Variants in ZBTB44 observed in about 807,000 individuals in gnomAD.
ZBTB44 encodes zinc finger and BTB domain-containing protein 44.
In ZBTB44, 15 loss-of-function variants were observed where a neutral mutation model predicts 54.0. The observed-to-expected ratio is 0.28, with a 90% CI of 0.19 to 0.43. The LOEUF (loss-of-function observed/expected upper bound fraction) is 0.43, where lower values mean the gene tolerates loss of function less well. Ranked by LOEUF, ZBTB44 falls within the 20% of genes least tolerant of loss-of-function variation. The pLI is 1.00. For synonymous variants in ZBTB44, 230 were observed against 250.1 expected (o/e 0.92, Z 0.76); for missense variants, 487 against 707.1 (o/e 0.69, Z 3.53).
At chr11:130,244,399 G>A (rs1287122844) in intron 2 of ZBTB44, among the ~76,000 whole-genome samples, 3 of 152,104 alleles carry the variant, frequency 2.0e-5, no homozygotes, top group African/African-American at 7.2e-5. Context: ...CGGGTGCAGT[G>A]GCTCATGCCT....
chr11:130,303,911 A>G (rs969954890), intron 1 of ZBTB44, among the ~76,000 whole-genome samples: 3 of 152,328 alleles, frequency 2.0e-5, no homozygotes, highest in African/African-American at 7.2e-5. Flanking sequence ...CAGAGTTATC[A>G]ACGTGAAACA....
intron 2 of ZBTB44, among the ~76,000 whole-genome samples, chr11:130,252,496 C>G (rs1938097726): frequency 6.6e-6 from 1 of 152,174 alleles, no homozygotes; most frequent in South Asian, 2.1e-4. Context: ...CCGCATGGCA[C>G]TTATTCTAAA....
At chr11:130,301,151 G>A (rs186583309) in intron 1 of ZBTB44, among the ~76,000 whole-genome samples, 64 of 152,290 alleles carry the variant, frequency 4.2e-4, no homozygotes, top group African/African-American at 1.5e-3. Context: ...TGAGTGAAAG[G>A]ATTAGCCTTA....
chr11:130,277,069 T>C (rs1940157591), intron 1 of ZBTB44, among the ~76,000 whole-genome samples: 1 of 152,222 alleles, frequency 6.6e-6, no homozygotes, highest in Non-Finnish European at 1.5e-5. Context: ...TACAGCTGGA[T>C]AATGCTGTTT....
At chr11:130,237,962 T>C (rs1300926346) in intron 4 of ZBTB44, among the ~76,000 whole-genome samples, 1 of 152,190 alleles carries the variant, frequency 6.6e-6, no homozygotes, top group Non-Finnish European at 1.5e-5. Context: ...AAATACAAAC[T>C]ACAAAGCTGA....
chr11:130,274,902 C>T (rs1003401555), intron 1 of ZBTB44, among the ~76,000 whole-genome samples: 14 of 152,268 alleles, frequency 9.2e-5, no homozygotes, highest in Middle Eastern at 3.4e-3. Context: ...GTTCCCTCCC[C>T]TCCCGTTTTT....
At position 130,314,436 on chromosome 11, in the gene ZBTB44, G is replaced by GGGCGGCGA. The variant is rs1339588439; in HGVS notation, c.-126_-119dup. The GGGCGGCGA allele has an allele frequency of 6.5e-6, 1 of 154,202 alleles. No homozygotes were observed. Among genetic ancestry groups the GGGCGGCGA allele is most frequent in the African/African-American group, 2.4e-5 (1 of 41,150 alleles). 9.6% of individuals were successfully genotyped at this position (154,202 alleles called of 1,614,324 possible). ...TCCTCCTCCTTCTCCCGCCAGGCTG[G>GGGCGGCGA]GGCGGCGAGGCGGCGGCGGCGGCGG... On this transcript the variant is annotated 5_prime_UTR_variant, in exon 1 of 8. Coordinates refer to ENST00000357899, the MANE Select transcript of ZBTB44 (RefSeq NM_001301098.2).
At chr11:130,288,340 C>T (rs1009873577) in intron 1 of ZBTB44, among the ~76,000 whole-genome samples, 6 of 151,776 alleles carry the variant, frequency 4.0e-5, no homozygotes, top group African/African-American at 1.5e-4. Flanking sequence ...TGCCACTGTT[C>T]TCCAGCCTGG....
rs1004293725 is a variant in ZBTB44, at chr11:130,276,431, C to CTT, written c.-56-14504_-56-14503dup. On this transcript the variant is annotated intron_variant, in intron 1 of 7. Coordinates refer to ENST00000357899, the MANE Select transcript of ZBTB44 (RefSeq NM_001301098.2). ...TGACCTTTTAATTTTCTATACGTTT[C>CTT]TTTTTTTTTTCTTTTTTTTTTGAGA... Among the ~76,000 whole-genome samples, 68 of 142,782 alleles carry CTT rather than the reference C, an allele frequency of 4.8e-4. 1 individual carries two copies. Among genetic ancestry groups the CTT allele is most frequent in the African/African-American group, 1.5e-3 (55 of 37,490 alleles). The allele number at this position is 142,782 out of a possible 152,430, so 93.7% of individuals were successfully genotyped here. A position where few individuals can be genotyped will look rare whatever the true frequency, so the allele number is the denominator to read the frequency against.
intron 2 of ZBTB44, among the ~76,000 whole-genome samples, chr11:130,255,922 C>T (rs1425146212): frequency 1.1e-5 from 1 of 90,550 alleles, no homozygotes; most frequent in Non-Finnish European, 2.3e-5. Flanking sequence ...AAAAAAAAAA[C>T]ACCCCTTCAT....
At chr11:130,306,565 T>C (rs575845632) in intron 1 of ZBTB44, among the ~76,000 whole-genome samples, 1 of 151,270 alleles carries the variant, frequency 6.6e-6, no homozygotes, top group East Asian at 1.9e-4. Context: ...ACTGGGTATC[T>C]ACCCAAAAGA....
intron 1 of ZBTB44, among the ~76,000 whole-genome samples, chr11:130,288,414 T>A (rs1172461035): frequency 4.0e-5 from 6 of 151,482 alleles, no homozygotes; most frequent in African/African-American, 1.5e-4. Flanking sequence ...AATAAAAAAA[T>A]AACATTTCAA....
At chr11:130,265,135 T>C (rs916347372) in intron 1 of ZBTB44, among the ~76,000 whole-genome samples, 9 of 152,162 alleles carry the variant, frequency 5.9e-5, no homozygotes, top group Non-Finnish European at 1.3e-4. Context: ...GTCTCCATAT[T>C]CCATGAAAAA....
At chr11:130,296,051 C>T in intron 1 of ZBTB44, 1 of 1,583,692 alleles carries the variant, frequency 6.3e-7, no homozygotes, top group Non-Finnish European at 8.7e-7. Context: ...ATTGATGAAG[C>T]TGATCGTATC....
intron 1 of ZBTB44, among the ~76,000 whole-genome samples, chr11:130,294,890 T>C (rs148578304): frequency 7.2e-5 from 11 of 152,342 alleles, no homozygotes; most frequent in African/African-American, 2.6e-4. Context: ...AAGTCAGTTT[T>C]AGTCAACTAG....
At chr11:130,289,829 G>A (rs1046808355) in intron 1 of ZBTB44, among the ~76,000 whole-genome samples, 2 of 152,118 alleles carry the variant, frequency 1.3e-5, no homozygotes, top group African/African-American at 4.8e-5. Flanking sequence ...CCTGATTCGA[G>A]GTTTTCTGAT....
At chr11:130,242,072 T>C (rs1428485500) in intron 2 of ZBTB44, among the ~76,000 whole-genome samples, 2 of 152,100 alleles carry the variant, frequency 1.3e-5, no homozygotes, top group Non-Finnish European at 2.9e-5. Flanking sequence ...ATTCTGGCTA[T>C]TTTTTGACTT....
chr11:130,266,733 A>C (rs1415807836), intron 1 of ZBTB44, among the ~76,000 whole-genome samples: 1 of 152,234 alleles, frequency 6.6e-6, no homozygotes, highest in African/African-American at 2.4e-5. Flanking sequence ...CAAGAGAACT[A>C]GAATTCAAAA....
At chr11:130,246,759 A>T (rs1366455337) in intron 2 of ZBTB44, among the ~76,000 whole-genome samples, 5 of 152,238 alleles carry the variant, frequency 3.3e-5, no homozygotes, top group African/African-American at 1.2e-4. Flanking sequence ...ATTCAGAAAC[A>T]GGCTTGGCAC....
Sources: allele counts gnomAD v4.1 joint callset (sites outside exome capture counted in the v4.1 genomes callset), GRCh38; gene constraint gnomAD v4.1.1; transcripts MANE v1.5; gene names NCBI Gene and HGNC (gene_info 2026-07-23, HGNC 2026-07-21).